Variants in RBFOX1 observed in about 807,000 individuals in gnomAD.
The protein encoded by RBFOX1 is RNA binding protein fox-1 homolog 1.
RBFOX1 carries 8 observed loss-of-function variants against 57.7 expected under a neutral mutation model. That is an observed-to-expected ratio of 0.14 (90% CI 0.08 to 0.25). The LOEUF is 0.25. Ranked by LOEUF, RBFOX1 falls within the 10% of genes least tolerant of loss-of-function variation. The pLI, the probability that RBFOX1 is intolerant of heterozygous loss-of-function variation, is 1.00. For missense variants in RBFOX1, 611 were observed against 548.5 expected (o/e 1.11, Z -1.14); for synonymous variants, 326 against 222.4 (o/e 1.47, Z -4.15).
intron 4 of RBFOX1, among the ~76,000 whole-genome samples, chr16:6,000,940 G>A (rs1275501577): frequency 6.6e-6 from 1 of 151,142 alleles, no homozygotes; most frequent in East Asian, 2.0e-4. Context: ...TGGGTGGTTG[G>A]ATGGGTAGAT....
intron 4 of RBFOX1, among the ~76,000 whole-genome samples, chr16:7,394,915 T>G (rs4445917): frequency 6.6e-6 from 1 of 152,150 alleles, no homozygotes; most frequent in Non-Finnish European, 1.5e-5. Flanking sequence ...TGTCTGTGCA[T>G]ACATAAATAA....
intron 3 of RBFOX1, among the ~76,000 whole-genome samples, chr16:6,685,543 C>T (rs138450304): frequency 6.6e-6 from 1 of 151,466 alleles, no homozygotes; most frequent in East Asian, 2.0e-4. Context: ...GTTCCTCACT[C>T]TCCCAAAGTG....
chr16:5,685,357 G>A (rs1201599379), intron 3 of RBFOX1, among the ~76,000 whole-genome samples: 1 of 152,134 alleles, frequency 6.6e-6, no homozygotes, highest in Non-Finnish European at 1.5e-5. Flanking sequence ...CATTTGTCAT[G>A]GAGGGGCTCT....
chr16:7,542,031 G>T (rs2083092930), intron 5 of RBFOX1, among the ~76,000 whole-genome samples: 1 of 152,170 alleles, frequency 6.6e-6, no homozygotes, highest in Admixed American at 6.5e-5. Flanking sequence ...GACCTGAGCT[G>T]GGAAGAAGTG....
chr16:6,643,888 G>C (rs1360754804), intron 2 of RBFOX1, among the ~76,000 whole-genome samples: 1 of 152,110 alleles, frequency 6.6e-6, no homozygotes, highest in African/African-American at 2.4e-5. Context: ...CACTTTCGGA[G>C]GCCAAGGTAG....
chr16:6,547,914 A>G (rs1374617194), intron 2 of RBFOX1, among the ~76,000 whole-genome samples: 1 of 152,230 alleles, frequency 6.6e-6, no homozygotes, highest in Non-Finnish European at 1.5e-5. Flanking sequence ...TAAACCCCAG[A>G]CTGCAAGCGA....
In RBFOX1 at chr16:5,856,335, T is replaced by TTATATATA. The variant is rs55763325; in HGVS notation, c.319-10957_319-10950dup. Among the ~76,000 whole-genome samples the TTATATATA allele has an allele frequency of 1.9e-5, 2 of 104,554 alleles. 1 individual carries two copies. Among genetic ancestry groups the TTATATATA allele is most frequent in the Non-Finnish European group, 3.7e-5 (2 of 53,622 alleles). 68.6% of individuals were successfully genotyped at this position (104,554 alleles called of 152,430 possible). A position where few individuals can be genotyped will look rare whatever the true frequency, so the allele number is the denominator to read the frequency against. On this transcript the variant is annotated intron_variant, in intron 3 of 19. Transcript: ENST00000641259. ...CATATATATAGGGAAAACTGTTATATTATATATATATATATATAATGTTAT... is the reference window on the plus strand; with the variant it reads ...CATATATATAGGGAAAACTGTTATATTATATATATATATATATATATATATAATGTTAT...
At chr16:7,108,891 A>G (rs1352495136) in intron 4 of RBFOX1, among the ~76,000 whole-genome samples, 2 of 152,302 alleles carry the variant, frequency 1.3e-5, no homozygotes, top group Middle Eastern at 6.8e-3. Context: ...GCATCTGTGA[A>G]AAGAAGGAGG....
chr16:5,527,181 C>T (rs2044281098), intron 2 of RBFOX1, among the ~76,000 whole-genome samples: 1 of 152,210 alleles, frequency 6.6e-6, no homozygotes, highest in South Asian at 2.1e-4. Context: ...CTCCTTTCCT[C>T]TCCTCTTTGA....
At chr16:6,119,172 A>G (rs974159036) in intron 1 of RBFOX1, among the ~76,000 whole-genome samples, 2 of 152,104 alleles carry the variant, frequency 1.3e-5, no homozygotes, top group Admixed American at 6.5e-5. Flanking sequence ...TGGGGATTAT[A>G]TAAAGAAATC....
At chr16:5,578,282 A>AC (rs1157316817) in intron 2 of RBFOX1, among the ~76,000 whole-genome samples, 4 of 152,034 alleles carry the variant, frequency 2.6e-5, no homozygotes, top group Admixed American at 2.6e-4. Context: ...TGGGCTTCTC[A>AC]CCTAGCCTCA....
At position 5,947,720 on chromosome 16, in the gene RBFOX1, C is replaced by A. The variant is rs942834739; in HGVS notation, c.351+80385C>A. Among the ~76,000 whole-genome samples, 1 of 152,138 alleles carries A rather than the reference C, an allele frequency of 6.6e-6. No homozygotes were observed. The highest frequency in any genetic ancestry group is 6.5e-5 in the Admixed American group (1 of 15,274). On this transcript the variant is annotated intron_variant, in intron 4 of 19. Transcript: ENST00000641259. The surrounding 1 kb of genome is among the most constrained non-coding windows in gnomAD (Gnocchi z 7.2). ...GAGTGGGGTTAGGGATTTCTGCACC[C>A]TTTTTACTATGTCCAGGAACATTCT...
intron 4 of RBFOX1, among the ~76,000 whole-genome samples, chr16:7,085,916 T>C (rs2059918438): frequency 6.6e-6 from 1 of 152,198 alleles, no homozygotes; most frequent in South Asian, 2.1e-4. Flanking sequence ...CGGTTCTTGA[T>C]GCTCTGTGCT....
At chr16:6,428,147 G>T (rs2093981996) in intron 2 of RBFOX1, among the ~76,000 whole-genome samples, 1 of 151,944 alleles carries the variant, frequency 6.6e-6, no homozygotes, top group South Asian at 2.1e-4. Context: ...TTAGCCAAGT[G>T]TGCTGGTGTA....
chr16:6,845,640 C>G (rs2093713753), intron 3 of RBFOX1, among the ~76,000 whole-genome samples: 1 of 150,892 alleles, frequency 6.6e-6, no homozygotes, highest in Non-Finnish European at 1.5e-5. Context: ...ACTTACGACC[C>G]TTCATTGGTT....
chr16:5,305,608 C>G (rs2063914008), intron 1 of RBFOX1, among the ~76,000 whole-genome samples: 1 of 152,084 alleles, frequency 6.6e-6, no homozygotes, highest in South Asian at 2.1e-4. Flanking sequence ...CAAGAGATGT[C>G]TTGTGAAATT....
At chr16:5,749,008 T>C (rs1237758747) in intron 3 of RBFOX1, among the ~76,000 whole-genome samples, 2 of 152,188 alleles carry the variant, frequency 1.3e-5, no homozygotes, top group Non-Finnish European at 2.9e-5. Context: ...GTGGCTGGTA[T>C]CGGTTGTTCT....
At chr16:7,104,384 C>T (rs1446946210) in intron 4 of RBFOX1, among the ~76,000 whole-genome samples, 1 of 152,210 alleles carries the variant, frequency 6.6e-6, no homozygotes. Flanking sequence ...GTACCTCATC[C>T]CCATCAGGAC....
At chr16:5,702,539 A>G (rs1334644483) in intron 3 of RBFOX1, among the ~76,000 whole-genome samples, 1 of 152,238 alleles carries the variant, frequency 6.6e-6, no homozygotes, top group Non-Finnish European at 1.5e-5. Context: ...GAGCATTCCA[A>G]CAACTTTCCC....
Sources: gnomAD v4.1 joint callset for allele counts (sites outside exome capture counted in the v4.1 genomes callset) on GRCh38, gnomAD v4.1.1 for gene constraint, Gnocchi (gnomAD v3.1) non-coding constraint, MANE v1.5 for transcripts, NCBI Gene and HGNC (gene_info 2026-07-23, HGNC 2026-07-21) for gene names.